Variants in SAMD3 observed in about 807,000 individuals in gnomAD.
SAMD3 encodes the protein sterile alpha motif domain-containing protein 3.
Under a neutral mutation model 58.5 loss-of-function variants are expected in SAMD3, and 63 were observed. The observed-to-expected ratio is 1.08, with a 90% CI of 0.88 to 1.33. SAMD3 has a LOEUF of 1.33. Among genes scored for constraint, SAMD3 ranks in the 40% most tolerant of loss-of-function variants. The pLI is 0.00. For synonymous variants in SAMD3, 220 were observed against 210.3 expected, an observed-to-expected ratio of 1.05 and a Z score of -0.40; for missense variants, 604 against 608.4, an observed-to-expected ratio of 0.99 and a Z score of 0.08.
chr6:130,281,251 G>T (rs1774971374), intron 2 of SAMD3, among the ~76,000 whole-genome samples: 1 of 152,182 alleles, frequency 6.6e-6, no homozygotes, highest in Non-Finnish European at 1.5e-5. Flanking sequence ...TGGTTAGTGT[G>T]ATTGAGCATA....
chr6:130,192,838 A>G (rs1793684691), intron 5 of SAMD3, among the ~76,000 whole-genome samples: 1 of 152,114 alleles, frequency 6.6e-6, no homozygotes, highest in Non-Finnish European at 1.5e-5. Context: ...CCCAAGAAAC[A>G]TCTCACCAAT....
At chr6:130,206,193 C>T (rs1194248263) in intron 5 of SAMD3, among the ~76,000 whole-genome samples, 2 of 152,206 alleles carry the variant, frequency 1.3e-5, no homozygotes, top group Non-Finnish European at 2.9e-5. Context: ...CTGATTCACG[C>T]TGGGCCCATG....
intron 2 of SAMD3, among the ~76,000 whole-genome samples, chr6:130,310,299 GAGA>G (rs2114987337): frequency 6.6e-6 from 1 of 152,246 alleles, no homozygotes; most frequent in South Asian, 2.1e-4. Context: ...ATTGCCTTTT[GAGA>G]AGATTTCATT....
At chr6:130,361,527 T>C (rs1170317427) in intron 1 of SAMD3, among the ~76,000 whole-genome samples, 2 of 152,208 alleles carry the variant, frequency 1.3e-5, no homozygotes, top group African/African-American at 4.8e-5. Context: ...ATCTTGATAT[T>C]TATAAACATT....
chr6:130,237,359 C>A (rs1308207477), intron 2 of SAMD3, among the ~76,000 whole-genome samples: 7 of 152,140 alleles, frequency 4.6e-5, no homozygotes, highest in African/African-American at 1.7e-4. Flanking sequence ...GTATATAATT[C>A]TTTCCTAGCT....
chr6:130,163,537 G>A (rs1034511309), intron 8 of SAMD3, among the ~76,000 whole-genome samples: 1 of 152,184 alleles, frequency 6.6e-6, no homozygotes, highest in Admixed American at 6.5e-5. Context: ...GTTTCCAAGT[G>A]TGCAGCTTAC....
At chr6:130,258,361 C>T (rs1773997283) in intron 2 of SAMD3, among the ~76,000 whole-genome samples, 1 of 152,048 alleles carries the variant, frequency 6.6e-6, no homozygotes, top group Non-Finnish European at 1.5e-5. Context: ...ATTGAAGTGT[C>T]TAGTCTATTT....
At chr6:130,262,252 T>C (rs550129934) in intron 2 of SAMD3, among the ~76,000 whole-genome samples, 1 of 151,960 alleles carries the variant, frequency 6.6e-6, no homozygotes, top group African/African-American at 2.4e-5. Flanking sequence ...AACCTGTGGA[T>C]GGCCCAAATG....
chr6:130,214,360 G>A lies in SAMD3; in HGVS notation c.246C>T (p.Val82=). ...SPENPKKAAL[V]MQTEAARDYR... is the part of the protein sequence containing the mutation. ...ACTCTCGAGCTGCTTCTGTTTGCAT[G>A]ACCAGGGCTGCCTTTTTGGGGTTTT... Residue 82 remains valine, a synonymous_variant, in exon 4 of 12, where the codon GTC becomes GTT. Coordinates refer to ENST00000439090, the MANE Select transcript of SAMD3 (RefSeq NM_001017373.4). 2 of 1,604,708 alleles carry A rather than the reference G, an allele frequency of 1.2e-6. No homozygotes were observed. Among genetic ancestry groups the A allele is most frequent in the Non-Finnish European group, 1.7e-6 (2 of 1,176,276 alleles).
At chr6:130,187,222 A>C (rs1474555676) in intron 5 of SAMD3, among the ~76,000 whole-genome samples, 1 of 152,076 alleles carries the variant, frequency 6.6e-6, no homozygotes, top group African/African-American at 2.4e-5. Flanking sequence ...GTTACTTAGT[A>C]CCACCTCAAC....
intron 1 of SAMD3, among the ~76,000 whole-genome samples, chr6:130,344,923 C>G (rs1372590341): frequency 6.6e-6 from 1 of 151,638 alleles, no homozygotes; most frequent in Non-Finnish European, 1.5e-5. Flanking sequence ...CACCTGCCCC[C>G]CTATGCCCAC....
At chr6:130,360,309 C>G (rs528907340) in intron 1 of SAMD3, among the ~76,000 whole-genome samples, 5 of 152,130 alleles carry the variant, frequency 3.3e-5, no homozygotes, top group Non-Finnish European at 7.4e-5. Context: ...GGGAACCTGC[C>G]CCAATAGTCA....
At chr6:130,317,629 C>T (rs1776427014) in intron 1 of SAMD3, among the ~76,000 whole-genome samples, 1 of 152,174 alleles carries the variant, frequency 6.6e-6, no homozygotes, top group Non-Finnish European at 1.5e-5. Flanking sequence ...AGTAGAATGG[C>T]TGTTCTAAAA....
chr6:130,318,719 G>T (rs1321332968), intron 1 of SAMD3, among the ~76,000 whole-genome samples: 2 of 152,150 alleles, frequency 1.3e-5, no homozygotes, highest in Non-Finnish European at 2.9e-5. Flanking sequence ...ATGAGCCACT[G>T]TGCCCAGCCC....
chr6:130,222,658 G>A (rs147967385), intron 1 of SAMD3, 36 bp downstream of exon 1: 268 of 152,254 alleles, frequency 1.8e-3, no homozygotes, highest in African/African-American at 6.2e-3. Flanking sequence ...AGAAAAGTTA[G>A]AGTTTTATAG....
At chr6:130,365,772 G>A (rs1274433689), upstream of SAMD3, 1 of 985,482 alleles carries the variant, frequency 1.0e-6, no homozygotes, top group East Asian at 1.1e-4. Context: ...TTGGGCTCTC[G>A]AAGTGCAACT....
chr6:130,170,411 T>A (rs1240403952), intron 8 of SAMD3, among the ~76,000 whole-genome samples: 2 of 152,192 alleles, frequency 1.3e-5, no homozygotes, highest in Non-Finnish European at 2.9e-5. Flanking sequence ...TATTCCGTGG[T>A]GTATATGTGC....
At chr6:130,169,393 G>C (rs1791028701) in intron 8 of SAMD3, among the ~76,000 whole-genome samples, 1 of 152,082 alleles carries the variant, frequency 6.6e-6, no homozygotes, top group African/African-American at 2.4e-5. Flanking sequence ...AAACGGAGAG[G>C]CTATAGTCTT....
chr6:130,271,839 G>T (rs1419093288), intron 2 of SAMD3, among the ~76,000 whole-genome samples: 3 of 152,204 alleles, frequency 2.0e-5, no homozygotes, highest in African/African-American at 7.2e-5. Flanking sequence ...GCAGGCAAGA[G>T]CGTGTGCAGG....
Sources: gnomAD v4.1 joint callset for allele counts (sites outside exome capture counted in the v4.1 genomes callset) on GRCh38, gnomAD v4.1.1 for gene constraint, MANE v1.5 for transcripts, NCBI Gene and HGNC (gene_info 2026-07-23, HGNC 2026-07-21) for gene names.